ZNF141: variants seen among roughly 807,000 people sequenced by gnomAD.
ZNF141 encodes the protein zinc finger protein 141 (clone pHZ-44).
ZNF141 carries 7 observed loss-of-function variants against 11.3 expected under a neutral mutation model. The ratio of observed to expected loss-of-function variants is 0.62; its 90% confidence interval spans 0.35 to 1.16. The LOEUF (loss-of-function observed/expected upper bound fraction) is 1.16, where lower values mean the gene tolerates loss of function less well. ZNF141 is among the 50% of genes most tolerant of loss of function. The probability of loss-of-function intolerance (pLI) is 0.02; values close to 1 mark genes in which losing one functional copy is unlikely to be tolerated. For missense variants in ZNF141, 535 were observed against 554.0 expected (o/e 0.97, Z 0.34); for synonymous variants, 183 against 190.7 (o/e 0.96, Z 0.33).
intron 3 of ZNF141, among the ~76,000 whole-genome samples, chr4:346,629 C>A (rs953938376): frequency 6.6e-6 from 1 of 152,108 alleles, no homozygotes; most frequent in Admixed American, 6.6e-5. Context: ...ATCTCATATT[C>A]CCACCCTAGG....
rs1300777678 is a variant in ZNF141, at chr4:380,720, A to G, written c.*6858A>G. Among the ~76,000 whole-genome samples, 1 of 152,168 alleles carries G rather than the reference A, an allele frequency of 6.6e-6. No individual in the cohort carries two copies. Among genetic ancestry groups the G allele is most frequent in the Non-Finnish European group, 1.5e-5 (1 of 68,030 alleles). ...GCATAGGTATTATTATCCTCATTTT[A>G]CAGAGAAAGAAACAGCCATAGAGAA... is the stretch of plus-strand genomic sequence containing the variant. On this transcript the variant is annotated 3_prime_UTR_variant, in exon 4 of 4. Transcript: ENST00000240499.
intron 1 of ZNF141, among the ~76,000 whole-genome samples, chr4:341,935 C>T (rs1721069873): frequency 6.6e-6 from 1 of 152,194 alleles, no homozygotes; most frequent in South Asian, 2.1e-4. Context: ...TTCTCTATCC[C>T]TGCAGTTTCA....
Position 375,479 on chromosome 4 carries a change from A to T in ZNF141, c.*1617A>T, listed in dbSNP as rs1430307653. On this transcript the variant is annotated 3_prime_UTR_variant, in exon 4 of 4. Coordinates refer to ENST00000240499, the MANE Select transcript of ZNF141 (RefSeq NM_003441.4). Reference sequence around the variant, plus strand: ...TTTGTAGATGCAGTAAATGTGAAGAAATATTTAGTCTAAAAAGAAGAGTAT... The same window carrying T: ...TTTGTAGATGCAGTAAATGTGAAGATATATTTAGTCTAAAAAGAAGAGTAT... Among the ~76,000 whole-genome samples, 1 of 152,106 alleles carries T rather than the reference A, an allele frequency of 6.6e-6. No individual in the cohort carries two copies. The highest frequency in any genetic ancestry group is 1.5e-5 in the Non-Finnish European group (1 of 67,944).
intron 1 of ZNF141, among the ~76,000 whole-genome samples, chr4:338,764 T>A (rs545054916): frequency 2.1e-4 from 32 of 152,332 alleles, no homozygotes; most frequent in African/African-American, 7.2e-4. Context: ...TTGTGGGGTC[T>A]GTGCTGACTC....
rs34905613 is a variant in ZNF141, at chr4:381,946, C to CTTTTTTTTTTTTT, written c.*8091_*8103dup. Among the ~76,000 whole-genome samples the CTTTTTTTTTTTTT allele has an allele frequency of 6.8e-4, 72 of 105,922 alleles. 5 individuals are homozygous for CTTTTTTTTTTTTT. Among genetic ancestry groups the CTTTTTTTTTTTTT allele is most frequent in the Middle Eastern group, 5.6e-3 (1 of 180 alleles). The allele number at this position is 105,922 out of a possible 152,430, so 69.5% of individuals were successfully genotyped here. A position where few individuals can be genotyped will look rare whatever the true frequency, so the allele number is the denominator to read the frequency against. Reference sequence around the variant, plus strand: ...CTAGGGCCACCACCATCTCTGGGAACTTTTTTTTTTTTTTTTTTTGAGACG... The same window carrying CTTTTTTTTTTTTT: ...CTAGGGCCACCACCATCTCTGGGAACTTTTTTTTTTTTTTTTTTTTTTTTTTTTTTTTGAGACG... On this transcript the variant is annotated 3_prime_UTR_variant, in exon 4 of 4. Coordinates refer to ENST00000240499, the MANE Select transcript of ZNF141 (RefSeq NM_003441.4).
At chr4:355,755 G>T (rs1479558747) in intron 3 of ZNF141, among the ~76,000 whole-genome samples, 1 of 152,126 alleles carries the variant, frequency 6.6e-6, no homozygotes, top group Admixed American at 6.5e-5. Context: ...AATTTATAAA[G>T]AATAGAAGTT....
chr4:339,388 C>G (rs1242491732), intron 1 of ZNF141, among the ~76,000 whole-genome samples: 1 of 152,212 alleles, frequency 6.6e-6, no homozygotes, highest in African/African-American at 2.4e-5. Context: ...CCTGCCTTGC[C>G]CCCACTCAAG....
Position 337,836 on chromosome 4 carries a change from A to C in ZNF141, c.-148A>C, listed in dbSNP as rs1720855645. On this transcript the variant is annotated 5_prime_UTR_variant, in exon 1 of 4. Transcript: ENST00000240499. ...CGGGTCTTTGCGTCTGGCTACTACCAGACCGCGGGTTAGGGGCTTCATCTC... is the reference window on the plus strand; with the variant it reads ...CGGGTCTTTGCGTCTGGCTACTACCCGACCGCGGGTTAGGGGCTTCATCTC... 1 of 1,064,576 alleles carries C rather than the reference A, an allele frequency of 9.4e-7. No individual in the cohort carries two copies. Among genetic ancestry groups the C allele is most frequent in the Non-Finnish European group, 1.4e-6 (1 of 707,822 alleles). 65.9% of individuals were successfully genotyped at this position (1,064,576 alleles called of 1,614,324 possible). A position where few individuals can be genotyped will look rare whatever the true frequency, so the allele number is the denominator to read the frequency against.
rs1560203165 is a variant in ZNF141 at position 378,834 on chromosome 4, G to GTTTTT, written c.*4972_*4973insTTTTT. Among the ~76,000 whole-genome samples the GTTTTT allele has an allele frequency of 1.9e-5, 2 of 103,062 alleles. No homozygotes were observed. The highest frequency in any genetic ancestry group is 9.3e-5 in the African/African-American group (2 of 21,582). The allele number at this position is 103,062 out of a possible 152,430, so 67.6% of individuals were successfully genotyped here. A position where few individuals can be genotyped will look rare whatever the true frequency, so the allele number is the denominator to read the frequency against. On this transcript the variant is annotated 3_prime_UTR_variant, in exon 4 of 4. Transcript: ENST00000240499. ...TGTTGAATCCAAACAGTTTCTCAGT[G>GTTTTT]ATTTTTTTTTTTTTTTTTTTTTTTT...
chr4:361,792 G>A (rs752413688), intron 3 of ZNF141, among the ~76,000 whole-genome samples: 4 of 152,310 alleles, frequency 2.6e-5, no homozygotes, highest in Non-Finnish European at 2.9e-5. Flanking sequence ...GGACATTTGC[G>A]TTGGTTCCAA....
At chr4:338,129 T>C in intron 1 of ZNF141, 143 bp downstream of exon 1, 11 of 1,098,356 alleles carry the variant, frequency 1.0e-5, no homozygotes, top group Non-Finnish European at 1.4e-5. Context: ...GTGAGGGACC[T>C]GGGCTCCTGT....
rs781971547 is a variant in ZNF141 at position 373,249 on chromosome 4, C to G, written c.812C>G (p.Thr271Ser). ...GCCTTTAATAGGTTCACAACCCTTA[C>G]TAAACATAAGAGAATTCATGCTGGA... ...GKAFNRFTTL[T>S]KHKRIHAGEK... The change falls in exon 4 of 4, where the codon ACT (threonine) becomes AGT (serine). Residue 271 changes from threonine to serine, a missense_variant. Thr to Ser is a moderately conservative substitution (Grantham distance 58, BLOSUM62 1). Transcript: ENST00000240499. 1 of 1,613,118 alleles carries G rather than the reference C, an allele frequency of 6.2e-7. No individual in the cohort carries two copies. The highest frequency in any genetic ancestry group is 8.5e-7 in the Non-Finnish European group (1 of 1,179,716).
At chr4:350,176 A>G (rs374497670) in intron 3 of ZNF141, 1 of 534,686 alleles carries the variant, frequency 1.9e-6, no homozygotes, top group African/African-American at 1.9e-5. Context: ...GACCAAGCTC[A>G]GTGTGCCATT....
chr4:342,377 AT>A (rs1200654576), intron 1 of ZNF141, among the ~76,000 whole-genome samples: 2 of 152,160 alleles, frequency 1.3e-5, no homozygotes, highest in African/African-American at 4.8e-5. Context: ...GAAGATGATG[AT>A]TGGTGGTCTT....
chr4:340,913 T>G (rs1016794319), intron 1 of ZNF141, among the ~76,000 whole-genome samples: 1 of 152,210 alleles, frequency 6.6e-6, no homozygotes, highest in Admixed American at 6.5e-5. Flanking sequence ...CCTTTCTTTT[T>G]GCCTTTAAAA....
intron 3 of ZNF141, among the ~76,000 whole-genome samples, chr4:364,864 A>C (rs1186786953): frequency 3.1e-5 from 4 of 128,340 alleles, no homozygotes; most frequent in Admixed American, 2.9e-4. Flanking sequence ...TTCTCTTCAG[A>C]GCCATCATAC....
intron 3 of ZNF141, among the ~76,000 whole-genome samples, chr4:350,523 G>C (rs1405353809): frequency 2.6e-5 from 4 of 152,258 alleles, no homozygotes; most frequent in Middle Eastern, 3.4e-3. Context: ...ATTCATTGAA[G>C]GATGTTTGAA....
chr4:345,865 T>C (rs2108686563), intron 3 of ZNF141, among the ~76,000 whole-genome samples: 1 of 152,326 alleles, frequency 6.6e-6, no homozygotes, highest in Non-Finnish European at 1.5e-5. Flanking sequence ...TCTATATTTC[T>C]TAAATGCACT....
chr4:360,447 C>T (rs1363928758), intron 3 of ZNF141, among the ~76,000 whole-genome samples: 1 of 152,100 alleles, frequency 6.6e-6, no homozygotes, highest in Non-Finnish European at 1.5e-5. Flanking sequence ...ATTCAAAATG[C>T]CAGCTCTTCA....
Sources: allele counts gnomAD v4.1 joint callset (sites outside exome capture counted in the v4.1 genomes callset), GRCh38; gene constraint gnomAD v4.1.1; transcripts MANE v1.5; gene names NCBI Gene and HGNC (gene_info 2026-07-23, HGNC 2026-07-21).